The following ACSM4 variants were observed in gnomAD, a reference collection of about 807,000 sequenced individuals.
ACSM4 encodes acyl-CoA synthetase medium chain family member 4, also known as acyl-coenzyme A synthetase ACSM4, mitochondrial.
A neutral mutation model predicts 73.0 loss-of-function variants in ACSM4; 66 were observed. The observed-to-expected ratio is 0.90, with a 90% CI of 0.74 to 1.11. The LOEUF (loss-of-function observed/expected upper bound fraction) is 1.11. ACSM4 is among the 50% of genes least tolerant of loss of function. The probability of loss-of-function intolerance (pLI) is 0.00; values close to 1 mark genes in which losing one functional copy is unlikely to be tolerated. For synonymous variants in ACSM4, 222 were observed against 254.0 expected (o/e 0.87, Z 1.20); for missense variants, 645 against 714.4 (o/e 0.90, Z 1.11).
At chr12:7,314,311 A>G (rs951310247) in intron 3 of ACSM4, among the ~76,000 whole-genome samples, 1 of 152,222 alleles carries the variant, frequency 6.6e-6, no homozygotes. Flanking sequence ...TCTAGCAGGT[A>G]GTAGGTACAT....
intron 7 of ACSM4, among the ~76,000 whole-genome samples, chr12:7,322,758 T>G (rs979422982): frequency 2.0e-5 from 3 of 152,174 alleles, no homozygotes; most frequent in African/African-American, 7.2e-5. Context: ...CTCCCCCTTA[T>G]GCAGGATAAA....
At chr12:7,308,524 A>C (rs753859752) in intron 2 of ACSM4, among the ~76,000 whole-genome samples, 1 of 152,200 alleles carries the variant, frequency 6.6e-6, no homozygotes, top group Non-Finnish European at 1.5e-5. Flanking sequence ...GATATATGCT[A>C]TCTGAAATCC....
At chr12:7,326,681 G>T (rs1946508617) in intron 11 of ACSM4, among the ~76,000 whole-genome samples, 1 of 152,192 alleles carries the variant, frequency 6.6e-6, no homozygotes, top group African/African-American at 2.4e-5. Flanking sequence ...GACTGTCTGT[G>T]TAATAAATAG....
chr12:7,323,349 G>T, intron 8 of ACSM4, 35 bp downstream of exon 8: 2 of 1,600,844 alleles, frequency 1.2e-6, no homozygotes, highest in Non-Finnish European at 1.7e-6. Context: ...GTTCAGTAAA[G>T]GAGAGAGAAC....
At chr12:7,321,292 A>T (rs1946461850) in intron 6 of ACSM4, among the ~76,000 whole-genome samples, 1 of 152,252 alleles carries the variant, frequency 6.6e-6, no homozygotes, top group African/African-American at 2.4e-5. Flanking sequence ...AACAAAATTT[A>T]TGACTTGAAG....
chr12:7,320,817 A>C lies in ACSM4; in HGVS notation c.1001+13A>C. Reference sequence around the variant, plus strand: ...AAGACCTTAAGAGGTACTTGGGCAGAAATCTCCATTTGAACCACAAACAAT... The same window carrying C: ...AAGACCTTAAGAGGTACTTGGGCAGCAATCTCCATTTGAACCACAAACAAT... On this transcript the variant is annotated intron_variant, in intron 6 of 12. Transcript: ENST00000399422. 6.3e-7 allele frequency: 1 copy of C among 1,598,700 alleles called. No homozygotes were observed. The highest frequency in any genetic ancestry group is 1.1e-5 in the South Asian group (1 of 90,508).
At chr12:7,319,239 A>G (rs762434338) in intron 5 of ACSM4, among the ~76,000 whole-genome samples, 5 of 152,216 alleles carry the variant, frequency 3.3e-5, no homozygotes, top group South Asian at 2.1e-4. Flanking sequence ...TCAGGCTCCT[A>G]TGAGAATCTA....
chr12:7,318,056 C>T lies in ACSM4; in HGVS notation c.795C>T (p.Ile265=). 6.2e-7 allele frequency: 1 copy of T among 1,613,716 alleles called. No individual in the cohort carries two copies. The highest frequency in any genetic ancestry group is 1.1e-5 in the South Asian group (1 of 91,076). Residue 265 remains isoleucine, a synonymous_variant, in exon 5 of 13, where the codon ATC becomes ATT. Coordinates refer to ENST00000399422, the MANE Select transcript of ACSM4 (RefSeq NM_001080454.2). ...RYWLDLKSSD[I]IWNMSDTGWV... ...GGCTGGACTTGAAGTCCTCAGATATCATATGGAATATGTCTGACACGGGCT... is the reference window on the plus strand; with the variant it reads ...GGCTGGACTTGAAGTCCTCAGATATTATATGGAATATGTCTGACACGGGCT...
chr12:7,306,862 AAAG>A lies in ACSM4; in HGVS notation c.412+124_412+126del, dbSNP rs1165747449. The A allele has an allele frequency of 7.1e-6, 7 of 991,328 alleles. No individual in the cohort carries two copies. The East Asian group carries it at 1.8e-4, about 26-fold the overall frequency. The allele number at this position is 991,328 out of a possible 1,614,324, so 61.4% of individuals were successfully genotyped here. Reference sequence around the variant, plus strand: ...ATACAGAAGACAAAAAAAAAAAAAAAAAGAAGAGTTAAGGCAATCATGATATAA... The same window carrying A: ...ATACAGAAGACAAAAAAAAAAAAAAAAAGAGTTAAGGCAATCATGATATAA... On this transcript the variant is annotated intron_variant, in intron 2 of 12. Coordinates refer to ENST00000399422, the MANE Select transcript of ACSM4 (RefSeq NM_001080454.2).
At chr12:7,323,186 C>T in intron 7 of ACSM4, 48 bp from the exon 8 acceptor site, 1 of 1,500,758 alleles carries the variant, frequency 6.7e-7, no homozygotes, top group Non-Finnish European at 9.1e-7. Flanking sequence ...GATATAGTTT[C>T]AGAATATAAA....
At position 7,323,121 on chromosome 12, in the gene ACSM4, T is replaced by G. The variant is rs1946477013; in HGVS notation, c.1126-113T>G. ...GTTTCAAATAATATATTTCAGAAGG[T>G]GCGCCTGCATACCAGGAAAATCAGT... is the stretch of plus-strand genomic sequence containing the variant. On this transcript the variant is annotated intron_variant, in intron 7 of 12. Coordinates refer to ENST00000399422, the MANE Select transcript of ACSM4 (RefSeq NM_001080454.2). The G allele has an allele frequency of 4.4e-6, 4 of 910,134 alleles. No homozygotes were observed. In the East Asian group the frequency reaches 1.1e-4, roughly 24 times the overall value. 56.4% of individuals were successfully genotyped at this position (910,134 alleles called of 1,614,324 possible). A position where few individuals can be genotyped will look rare whatever the true frequency, so the allele number is the denominator to read the frequency against.
intron 5 of ACSM4, 200 bp downstream of exon 5, chr12:7,318,382 C>T (rs1946436829): frequency 1.8e-6 from 1 of 558,930 alleles, no homozygotes; most frequent in Non-Finnish European, 3.0e-6. Context: ...CACTCTGAGG[C>T]AGGAAATCCA....
At chr12:7,313,719 A>G (rs1251510323) in intron 3 of ACSM4, among the ~76,000 whole-genome samples, 1 of 152,190 alleles carries the variant, frequency 6.6e-6, no homozygotes, top group Non-Finnish European at 1.5e-5. Flanking sequence ...GCACGGGAAC[A>G]GCATGACCAA....
chr12:7,322,214 T>C (rs746317249), intron 6 of ACSM4, among the ~76,000 whole-genome samples: 2 of 152,148 alleles, frequency 1.3e-5, no homozygotes, highest in Non-Finnish European at 2.9e-5. Flanking sequence ...TGTCAGGAAT[T>C]TTCGTTATAA....
chr12:7,309,383 T>G (rs1946378050), intron 2 of ACSM4, among the ~76,000 whole-genome samples: 1 of 152,196 alleles, frequency 6.6e-6, no homozygotes, highest in South Asian at 2.1e-4. Context: ...TCTCTAGGCA[T>G]TTTTGACTGT....
intron 3 of ACSM4, among the ~76,000 whole-genome samples, chr12:7,313,082 T>C (rs146565737): frequency 6.4e-4 from 98 of 152,270 alleles, no homozygotes; most frequent in Non-Finnish European, 1.1e-3. Flanking sequence ...ACAAAAAACA[T>C]GTAATTTGCA....
chr12:7,323,367 T>C, intron 8 of ACSM4, 53 bp downstream of exon 8: 1 of 1,595,132 alleles, frequency 6.3e-7, no homozygotes, highest in Non-Finnish European at 8.6e-7. Flanking sequence ...AACGTTTTCC[T>C]TTTCTGCTAT....
At chr12:7,316,182 A>G (rs1284004655) in intron 3 of ACSM4, among the ~76,000 whole-genome samples, 1 of 152,178 alleles carries the variant, frequency 6.6e-6, no homozygotes, top group Non-Finnish European at 1.5e-5. Flanking sequence ...GATGGAAGGA[A>G]TCATGGAGCT....
chr12:7,318,102 AGT>A lies in ACSM4; in HGVS notation c.846_847del (p.Ser284PhefsTer17). ...GGGCTGGGTCAAGGCCGCCATTGGCAGTGTGTTTTCTTCCTGGCTGTGTGGAG... is the reference window on the plus strand; with the variant it reads ...GGGCTGGGTCAAGGCCGCCATTGGCAGTGTTTTCTTCCTGGCTGTGTGGAG... ...DTGWVKAAIG[S>X]VFSSWLCGAC... On this transcript the variant is annotated frameshift_variant, in exon 5 of 13. Transcript: ENST00000399422. LOFTEE classifies it high-confidence loss of function. The A allele has an allele frequency of 6.2e-7, 1 of 1,613,858 alleles. No homozygotes were observed. Among genetic ancestry groups the A allele is most frequent in the Non-Finnish European group, 8.5e-7 (1 of 1,179,840 alleles).
Sources: allele counts gnomAD v4.1 joint callset (sites outside exome capture counted in the v4.1 genomes callset), GRCh38; gene constraint gnomAD v4.1.1; transcripts MANE v1.5; gene names NCBI Gene and HGNC (gene_info 2026-07-23, HGNC 2026-07-21).